Variants in CEP112 observed in about 807,000 individuals in gnomAD.
CEP112 encodes centrosomal protein of 112 kDa.
CEP112 carries 127 observed loss-of-function variants against 153.0 expected under a neutral mutation model. The observed-to-expected ratio is 0.83, with a 90% confidence interval of 0.72 to 0.96. The LOEUF is 0.96. Among genes scored for constraint, CEP112 ranks in the 40% least tolerant of loss-of-function variants. The pLI is 0.00. For synonymous variants in CEP112, 358 were observed against 374.4 expected (o/e 0.96, Z 0.51); for missense variants, 1,089 against 1,101.2 (o/e 0.99, Z 0.16).
intron 2 of CEP112, chr17:66,182,211 C>T (rs2072748677): frequency 6.6e-6 from 1 of 152,198 alleles, no homozygotes; most frequent in African/African-American, 2.4e-5. Context: ...ATTTTTGTTA[C>T]ATTATATTGT....
chr17:66,088,825 C>T (rs1201677701), intron 8 of CEP112, among the ~76,000 whole-genome samples: 1 of 152,128 alleles, frequency 6.6e-6, no homozygotes, highest in African/African-American at 2.4e-5. Flanking sequence ...CCCAGGCCCA[C>T]CCCTGCACAC....
chr17:66,128,683 G>A (rs982153990), intron 6 of CEP112, among the ~76,000 whole-genome samples: 2 of 152,134 alleles, frequency 1.3e-5, no homozygotes, highest in African/African-American at 4.8e-5. Context: ...GAATTTTACT[G>A]CAAAATTACT....
At chr17:65,866,394 G>T (rs899781817) in intron 20 of CEP112, among the ~76,000 whole-genome samples, 2 of 152,238 alleles carry the variant, frequency 1.3e-5, no homozygotes, top group African/African-American at 2.4e-5. Flanking sequence ...GCACTGGCCT[G>T]CGCCCCTTGG....
intron 23 of CEP112, among the ~76,000 whole-genome samples, chr17:65,705,975 G>A (rs887651450): frequency 2.6e-5 from 4 of 152,186 alleles, no homozygotes; most frequent in Admixed American, 6.5e-5. Flanking sequence ...TTGATGTCTG[G>A]AATTTGCTTT....
intron 21 of CEP112, among the ~76,000 whole-genome samples, chr17:65,798,632 A>G (rs889448755): frequency 1.3e-5 from 2 of 152,220 alleles, no homozygotes; most frequent in Non-Finnish European, 2.9e-5. Context: ...GCCTGATGAC[A>G]TGCTTAATAC....
chr17:66,017,751 T>C (rs1288823192), intron 16 of CEP112, among the ~76,000 whole-genome samples: 3 of 152,066 alleles, frequency 2.0e-5, no homozygotes. Context: ...CTGCAATTCC[T>C]GCACTTTGGG....
intron 8 of CEP112, among the ~76,000 whole-genome samples, chr17:66,071,293 T>C (rs1413826640): frequency 6.6e-6 from 1 of 151,918 alleles, no homozygotes; most frequent in Non-Finnish European, 1.5e-5. Flanking sequence ...AAAAAAAAAA[T>C]TCAATTCCCT....
chr17:65,959,666 C>A (rs538777524), intron 18 of CEP112, among the ~76,000 whole-genome samples: 4 of 152,328 alleles, frequency 2.6e-5, no homozygotes, highest in Admixed American at 2.0e-4. Context: ...CAGGTGCCAC[C>A]ACATTCCCCA....
intron 26 of CEP112, among the ~76,000 whole-genome samples, 193 bp from the exon 27 acceptor site, chr17:65,636,167 G>A (rs1418421554): frequency 1.3e-5 from 2 of 152,228 alleles, no homozygotes; most frequent in Non-Finnish European, 2.9e-5. Context: ...CGAAAAATGT[G>A]TGATTCACAA....
At chr17:65,700,305 T>C (rs780270930) in intron 23 of CEP112, among the ~76,000 whole-genome samples, 1 of 152,162 alleles carries the variant, frequency 6.6e-6, no homozygotes, top group African/African-American at 2.4e-5. Context: ...TAATCTAATG[T>C]GTACGGCAAG....
rs997552431 is a variant in CEP112 at position 65,970,539 on chromosome 17, GAAT to G, written c.1737-8944_1737-8942del. Among the ~76,000 whole-genome samples the G allele has an allele frequency of 2.2e-4, 33 of 151,116 alleles. 2 individuals carry two copies. Among genetic ancestry groups the G allele is most frequent in the African/African-American group, 7.1e-4 (29 of 40,726 alleles). On this transcript the variant is annotated intron_variant, in intron 17 of 26. Coordinates refer to ENST00000535342, the MANE Select transcript of CEP112 (RefSeq NM_001199165.4). ...CATATTAAATACATGTATAACACATGAATATTACATGAAAGTTACCTACATCTT... is the reference window on the plus strand; with the variant it reads ...CATATTAAATACATGTATAACACATGATTACATGAAAGTTACCTACATCTT...
intron 20 of CEP112, among the ~76,000 whole-genome samples, chr17:65,865,656 C>G (rs934786168): frequency 6.6e-6 from 1 of 152,204 alleles, no homozygotes; most frequent in Non-Finnish European, 1.5e-5. Context: ...ACTCCTGAAG[C>G]CGGTCCCAAG....
At chr17:65,865,658 G>A (rs886119433) in intron 20 of CEP112, among the ~76,000 whole-genome samples, 6 of 152,188 alleles carry the variant, frequency 3.9e-5, no homozygotes, top group Non-Finnish European at 7.3e-5. Flanking sequence ...TCCTGAAGCC[G>A]GTCCCAAGAG....
chr17:65,644,914 T>C (rs1269231351), intron 24 of CEP112, among the ~76,000 whole-genome samples: 2 of 152,166 alleles, frequency 1.3e-5, no homozygotes, highest in African/African-American at 4.8e-5. Flanking sequence ...ATTTTTTTCA[T>C]GTTGAATATA....
chr17:65,784,833 T>C (rs181637353), intron 21 of CEP112, among the ~76,000 whole-genome samples: 185 of 152,236 alleles, frequency 1.2e-3, no homozygotes, highest in Non-Finnish European at 2.0e-3. Flanking sequence ...TATCATAAAG[T>C]TCATAATTTA....
intron 21 of CEP112, among the ~76,000 whole-genome samples, chr17:65,787,807 C>G (rs577651554): frequency 6.6e-6 from 1 of 152,158 alleles, no homozygotes; most frequent in Non-Finnish European, 1.5e-5. Flanking sequence ...CAATAGTTTA[C>G]TGATCCACTT....
At chr17:65,807,617 C>T (rs778464219) in intron 21 of CEP112, among the ~76,000 whole-genome samples, 10 of 152,214 alleles carry the variant, frequency 6.6e-5, no homozygotes, top group Non-Finnish European at 8.8e-5. Flanking sequence ...GTATCCCAGC[C>T]TCTCTGGCTC....
At chr17:65,665,875 G>C (rs2046666626) in intron 24 of CEP112, among the ~76,000 whole-genome samples, 1 of 152,166 alleles carries the variant, frequency 6.6e-6, no homozygotes, top group South Asian at 2.1e-4. Flanking sequence ...CAGTCCCCCA[G>C]CAAGGTAGTA....
At chr17:65,765,975 A>G (rs1292625250) in intron 21 of CEP112, among the ~76,000 whole-genome samples, 1 of 152,110 alleles carries the variant, frequency 6.6e-6, no homozygotes, top group Non-Finnish European at 1.5e-5. Flanking sequence ...ACACCACCAA[A>G]GAACACAATA....
Sources: gnomAD v4.1 joint callset for allele counts (sites outside exome capture counted in the v4.1 genomes callset) on GRCh38, gnomAD v4.1.1 for gene constraint, MANE v1.5 for transcripts, NCBI Gene and HGNC (gene_info 2026-07-23, HGNC 2026-07-21) for gene names.